Variants in CSMD2 observed in about 807,000 individuals in gnomAD.
CSMD2 encodes the protein CUB and sushi domain-containing protein 2.
Under a neutral mutation model 398.5 loss-of-function variants are expected in CSMD2, and 130 were observed. The observed-to-expected ratio is 0.33, with a 90% confidence interval of 0.28 to 0.38. The LOEUF is 0.38. Among genes scored for constraint, CSMD2 ranks in the 10% least tolerant of loss-of-function variants. The pLI is 1.00. For missense variants in CSMD2, 3,829 were observed against 4,764.9 expected (o/e 0.80, Z 5.78); for synonymous variants, 1,828 against 1,908.5 (o/e 0.96, Z 1.10).
chr1:33,541,042 C>G, intron 59 of CSMD2, 88 bp downstream of exon 59: 2 of 1,371,606 alleles, frequency 1.5e-6, no homozygotes, highest in Non-Finnish European at 2.0e-6. Flanking sequence ...CCTTTCACCC[C>G]TCTCCCTTCT....
chr1:33,974,241 A>C (rs544234), intron 3 of CSMD2, among the ~76,000 whole-genome samples: 87,205 of 152,160 alleles, frequency 0.57, 26,320 homozygotes, highest in East Asian at 0.84. Flanking sequence ...CAGGTGTTGG[A>C]GACTGCTTTA....
intron 4 of CSMD2, among the ~76,000 whole-genome samples, chr1:33,924,375 T>C (rs993437665): frequency 2.6e-5 from 4 of 152,210 alleles, no homozygotes; most frequent in Admixed American, 1.3e-4. Flanking sequence ...TATTCCACCA[T>C]GTATGTGTAT....
chr1:34,151,381 T>C (rs1364495404), intron 1 of CSMD2, among the ~76,000 whole-genome samples: 1 of 151,934 alleles, frequency 6.6e-6, no homozygotes, highest in African/African-American at 2.4e-5. Flanking sequence ...AGGTATGGGG[T>C]TGAAGCCTGG....
chr1:33,695,144 A>AGG (rs1350597889), intron 24 of CSMD2, among the ~76,000 whole-genome samples: 1 of 152,094 alleles, frequency 6.6e-6, no homozygotes, highest in African/African-American at 2.4e-5. Flanking sequence ...CTGCAGAGAG[A>AGG]GACAGAAGAG....
intron 22 of CSMD2, among the ~76,000 whole-genome samples, chr1:33,707,574 C>T (rs1404341793): frequency 6.6e-6 from 1 of 152,204 alleles, no homozygotes; most frequent in Non-Finnish European, 1.5e-5. Flanking sequence ...TGTTCTATCC[C>T]ATTTCAGGCA....
Position 33,849,990 on chromosome 1 carries a change from C to T in CSMD2, c.921-2994G>A, listed in dbSNP as rs558080904. On this transcript the variant is annotated intron_variant, in intron 5 of 70. Coordinates refer to ENST00000373381, the MANE Select transcript of CSMD2 (RefSeq NM_001281956.2). ...TCTTCCTTTCCTTTTCCTGCCTCCT[C>T]CTCTTTACCCTTTATGCCCCAGCCA... Among the ~76,000 whole-genome samples the T allele has an allele frequency of 1.1e-4, 17 of 152,208 alleles. No individual in the cohort carries two copies. The South Asian group carries it at 3.5e-3, about 32-fold the overall frequency.
chr1:33,734,790 AAAAAAAGAAAAAAG>A (rs761145900), intron 15 of CSMD2, among the ~76,000 whole-genome samples: 12 of 152,076 alleles, frequency 7.9e-5, no homozygotes, highest in Non-Finnish European at 1.3e-4. Context: ...ATCTCAAAAA[AAAAAAAGAAAAAAG>A]AAAAAGAAAA....
At chr1:33,586,431 AAG>A (rs1393315969) in intron 46 of CSMD2, 71 bp downstream of exon 46, 2 of 979,412 alleles carry the variant, frequency 2.0e-6, no homozygotes, top group East Asian at 2.5e-5. Context: ...TGGGAATAGA[AAG>A]AGGAGCAAAA....
chr1:33,523,388 T>A lies in CSMD2; in HGVS notation c.10428A>T (p.Leu3476=), dbSNP rs748502931. The part of the protein sequence containing the change: ...GTYKKEDFHL[L]LQVYQITGPV... ...GCCCTGTAATCTGGTACACCTGGAG[T>A]AGGAGATGAAAATCTTCTTTCTTGT... Residue 3476 remains leucine, a synonymous_variant, in exon 67 of 71, where the codon CTA becomes CTT. Transcript: ENST00000373381. The A allele has an allele frequency of 1.3e-6, 2 of 1,572,848 alleles. No homozygotes were observed. Among genetic ancestry groups the A allele is most frequent in the East Asian group, 4.5e-5 (2 of 44,566 alleles).
At chr1:33,678,710 T>C (rs1344358049) in intron 25 of CSMD2, among the ~76,000 whole-genome samples, 2 of 152,126 alleles carry the variant, frequency 1.3e-5, no homozygotes, top group African/African-American at 4.8e-5. Context: ...ACCATGATCA[T>C]AATAGCAGAC....
At chr1:33,569,912 C>A (rs1296320273) in intron 51 of CSMD2, among the ~76,000 whole-genome samples, 1 of 152,188 alleles carries the variant, frequency 6.6e-6, no homozygotes, top group African/African-American at 2.4e-5. Context: ...GCAGACACTG[C>A]TAATCAATTT....
intron 3 of CSMD2, among the ~76,000 whole-genome samples, chr1:34,015,224 T>G (rs1365794970): frequency 2.6e-5 from 4 of 152,160 alleles, no homozygotes; most frequent in Non-Finnish European, 1.5e-5. Context: ...AATGGGATCT[T>G]GGAGGGGAAG....
intron 38 of CSMD2, among the ~76,000 whole-genome samples, chr1:33,617,182 T>C (rs1641448837): frequency 6.6e-6 from 1 of 152,216 alleles, no homozygotes; most frequent in South Asian, 2.1e-4. Flanking sequence ...TACTAAAGAA[T>C]TCTCATTATT....
intron 40 of CSMD2, among the ~76,000 whole-genome samples, chr1:33,612,671 A>G (rs1641087533): frequency 6.9e-6 from 1 of 145,610 alleles, no homozygotes; most frequent in South Asian, 2.2e-4. Context: ...GTTGCAGATA[A>G]TTTTGTGATG....
In CSMD2 at chr1:33,569,337, A is replaced by AAAAACTGGGCAGGATAGGCCTGCAG. The variant is rs750278976; in HGVS notation, c.8131+12_8131+36dup. On this transcript the variant is annotated intron_variant, in intron 52 of 70. Coordinates refer to ENST00000373381, the MANE Select transcript of CSMD2 (RefSeq NM_001281956.2). ...GAAAGATCTAATCTATCTCAAGGAG[A>AAAAACTGGGCAGGATAGGCCTGCAG]AAAACTGGGCAGGATAGGCCTGCAG... The AAAAACTGGGCAGGATAGGCCTGCAG allele has an allele frequency of 5.6e-5, 88 of 1,580,494 alleles. No homozygotes were observed. In the South Asian group the frequency reaches 9.2e-4, roughly 17 times the overall value.
chr1:33,966,782 C>T (rs1319875072), intron 3 of CSMD2, among the ~76,000 whole-genome samples: 2 of 152,038 alleles, frequency 1.3e-5, no homozygotes, highest in Non-Finnish European at 2.9e-5. Flanking sequence ...GCAAAAATTG[C>T]TTATTGAGTG....
At chr1:34,021,878 T>C (rs2148115033) in intron 3 of CSMD2, among the ~76,000 whole-genome samples, 1 of 152,330 alleles carries the variant, frequency 6.6e-6, no homozygotes, top group South Asian at 2.1e-4. Flanking sequence ...CCATATTTCA[T>C]CGGTTCTAGG....
At chr1:33,967,116 T>C in intron 3 of CSMD2, among the ~76,000 whole-genome samples, 1 of 152,190 alleles carries the variant, frequency 6.6e-6, no homozygotes, top group East Asian at 1.9e-4. Context: ...CATAATGATG[T>C]GGGGTGAGGT....
At chr1:33,974,731 A>C (rs1645898907) in intron 3 of CSMD2, among the ~76,000 whole-genome samples, 1 of 152,196 alleles carries the variant, frequency 6.6e-6, no homozygotes, top group African/African-American at 2.4e-5. Context: ...GTGTTTGAGC[A>C]TGAGCTTGAA....
Sources: allele counts gnomAD v4.1 joint callset (sites outside exome capture counted in the v4.1 genomes callset), GRCh38; gene constraint gnomAD v4.1.1; transcripts MANE v1.5; gene names NCBI Gene and HGNC (gene_info 2026-07-23, HGNC 2026-07-21).